The following PPFIBP2 variants were observed in gnomAD, a reference collection of about 807,000 sequenced individuals.
PPFIBP2 encodes PPFIB scaffold protein 2, also known as liprin-beta-2.
In PPFIBP2, 118 loss-of-function variants were observed where a neutral mutation model predicts 118.3. The ratio of observed to expected loss-of-function variants is 1.00; its 90% CI spans 0.86 to 1.16. PPFIBP2 has a LOEUF of 1.16. Ranked by LOEUF, PPFIBP2 falls within the 50% of genes most tolerant of loss-of-function variation. The pLI is 0.00. For missense variants in PPFIBP2, 1,195 were observed against 1,073.1 expected (o/e 1.11, Z -1.59); for synonymous variants, 414 against 397.4 (o/e 1.04, Z -0.50).
rs116312340 is a variant in PPFIBP2, at chr11:7,616,048, A to G, written c.619-4887A>G. 3.1e-3 allele frequency among the ~76,000 whole-genome samples: 466 copies of G among 152,334 alleles called. 2 individuals carry two copies. Among genetic ancestry groups the G allele is most frequent in the Middle Eastern group, 0.017 (5 of 294 alleles). ...CAAAAGGCAGAAAGGACATATGCTA[A>G]AGACAAAAGTGCACCTGCATGACCA... On this transcript the variant is annotated intron_variant, in intron 6 of 23. Transcript: ENST00000299492. This position sits in a 1 kb window ranked among gnomAD's most constrained non-coding sequence, Gnocchi z 5.2.
chr11:7,544,235 C>T (rs1401640625), intron 1 of PPFIBP2, among the ~76,000 whole-genome samples: 2 of 152,182 alleles, frequency 1.3e-5, no homozygotes, highest in Admixed American at 1.3e-4. Context: ...AGCCAGCCTG[C>T]TCATTAGGGT....
intron 1 of PPFIBP2, among the ~76,000 whole-genome samples, chr11:7,544,512 C>T (rs765343692): frequency 1.1e-4 from 17 of 152,082 alleles, no homozygotes; most frequent in Non-Finnish European, 1.2e-4. Flanking sequence ...TCCCGGTTCA[C>T]GCCTGTATTC....
At chr11:7,614,141 T>C (rs1848373639) in intron 6 of PPFIBP2, among the ~76,000 whole-genome samples, 1 of 152,220 alleles carries the variant, frequency 6.6e-6, no homozygotes, top group Non-Finnish European at 1.5e-5. Context: ...TTGTTTTTAT[T>C]TTCTTTATTT....
chr11:7,582,010 G>T (rs1396377322), intron 3 of PPFIBP2, among the ~76,000 whole-genome samples: 2 of 152,028 alleles, frequency 1.3e-5, no homozygotes, highest in African/African-American at 4.8e-5. Flanking sequence ...CTAATTTTTT[G>T]TATTTTTAGT....
intron 3 of PPFIBP2, among the ~76,000 whole-genome samples, chr11:7,573,635 A>G (rs6578878): frequency 6.6e-6 from 1 of 152,064 alleles, no homozygotes; most frequent in Non-Finnish European, 1.5e-5. Flanking sequence ...TTCTCCATGC[A>G]TGTGTTCTGT....
the PPFIBP2 span, chr11:7,665,915 G>A: frequency 0.12 from 181,599 of 1,535,554 alleles, 14,322 homozygotes; most frequent in East Asian, 0.5. Context: ...GCTCAGTAGG[G>A]TAGCGCCCTC....
intron 1 of PPFIBP2, among the ~76,000 whole-genome samples, chr11:7,525,428 AAG>A (rs140845840): frequency 0.064 from 9,766 of 152,206 alleles, 361 homozygotes; most frequent in African/African-American, 0.099. Flanking sequence ...ATCATTTATC[AAG>A]AGATATTTAG....
At chr11:7,590,167 G>T (rs1317052038) in intron 3 of PPFIBP2, among the ~76,000 whole-genome samples, 1 of 152,216 alleles carries the variant, frequency 6.6e-6, no homozygotes, top group Non-Finnish European at 1.5e-5. Context: ...GTTCTCAGAT[G>T]CTTTCCAAGT....
chr11:7,607,412 G>T (rs768440705), intron 5 of PPFIBP2, among the ~76,000 whole-genome samples: 1 of 151,284 alleles, frequency 6.6e-6, no homozygotes, highest in Non-Finnish European at 1.5e-5. Flanking sequence ...GTAGAGGCAG[G>T]GTTCCACTAT....
chr11:7,645,457 T>C (rs907271102), intron 17 of PPFIBP2, among the ~76,000 whole-genome samples: 20 of 152,216 alleles, frequency 1.3e-4, no homozygotes, highest in African/African-American at 4.8e-4. Context: ...TCATTTGAAC[T>C]GCAATTTGAA....
intron 2 of PPFIBP2, among the ~76,000 whole-genome samples, chr11:7,552,431 T>G (rs1158969919): frequency 1.3e-5 from 2 of 152,236 alleles, no homozygotes; most frequent in African/African-American, 4.8e-5. Context: ...ATCTGAGTTT[T>G]GTGGTTTTCA....
intron 1 of PPFIBP2, among the ~76,000 whole-genome samples, chr11:7,546,261 G>T (rs375632205): frequency 1.6e-4 from 24 of 152,312 alleles, no homozygotes; most frequent in African/African-American, 5.1e-4. Flanking sequence ...GGAACCCTCT[G>T]TAATGTTTCC....
At position 7,555,296 on chromosome 11, in the gene PPFIBP2, A is replaced by G. The variant is rs75692496; in HGVS notation, c.64+5757A>G. ...TCACTGAGGAGGAATAGTTAAGAGG[A>G]GTCTGTTTTATGACAGTTAAAGAAG... On this transcript the variant is annotated intron_variant, in intron 2 of 23. Coordinates refer to ENST00000299492, the MANE Select transcript of PPFIBP2 (RefSeq NM_003621.5). 6.0e-3 allele frequency among the ~76,000 whole-genome samples: 911 copies of G among 152,340 alleles called. 6 individuals carry two copies. Among genetic ancestry groups the G allele is most frequent in the African/African-American group, 0.02 (832 of 41,574 alleles).
At chr11:7,663,420 G>T in the PPFIBP2 span, among the ~76,000 whole-genome samples, 2 of 152,010 alleles carry the variant, frequency 1.3e-5, no homozygotes, top group African/African-American at 4.8e-5. Flanking sequence ...TGAGGTGTCG[G>T]TGTGCCCCTG....
intron 5 of PPFIBP2, among the ~76,000 whole-genome samples, chr11:7,602,087 C>CAA (rs201003988): frequency 0.019 from 1,054 of 55,098 alleles, 3 homozygotes; most frequent in African/African-American, 0.035. Context: ...GAATGAAACT[C>CAA]AAAAAAAAAA....
chr11:7,555,070 C>G (rs1853449739), intron 2 of PPFIBP2, among the ~76,000 whole-genome samples: 1 of 152,084 alleles, frequency 6.6e-6, no homozygotes, highest in South Asian at 2.1e-4. Flanking sequence ...TGCTTAATTA[C>G]CTCCCTCTGG....
intron 12 of PPFIBP2, among the ~76,000 whole-genome samples, chr11:7,633,827 A>C (rs112066874): frequency 2.0e-5 from 3 of 152,220 alleles, no homozygotes; most frequent in African/African-American, 7.2e-5. Context: ...CAAGAGACTA[A>C]TATTTTTTAA....
chr11:7,621,365 A>C (rs1028846571), intron 7 of PPFIBP2, among the ~76,000 whole-genome samples: 33 of 152,216 alleles, frequency 2.2e-4, no homozygotes, highest in Non-Finnish European at 3.4e-4. Flanking sequence ...CCTAAAGCAG[A>C]TCTTGGATGC....
intron 1 of PPFIBP2, among the ~76,000 whole-genome samples, chr11:7,546,468 T>C (rs1188249115): frequency 6.6e-6 from 1 of 152,352 alleles, no homozygotes; most frequent in South Asian, 2.1e-4. Flanking sequence ...GGGTCTTGTT[T>C]TATGGCCCTT....
Sources: gnomAD v4.1 joint callset for allele counts (sites outside exome capture counted in the v4.1 genomes callset) on GRCh38, gnomAD v4.1.1 for gene constraint, Gnocchi (gnomAD v3.1) non-coding constraint, MANE v1.5 for transcripts, NCBI Gene and HGNC (gene_info 2026-07-23, HGNC 2026-07-21) for gene names.